Variants in CFAP221 observed in about 807,000 individuals in gnomAD.
CFAP221 encodes the protein cilia and flagella associated protein 221, also known as cilia- and flagella-associated protein 221.
A neutral mutation model predicts 113.1 loss-of-function variants in CFAP221; 97 were observed. The ratio of observed to expected loss-of-function variants is 0.86; its 90% confidence interval spans 0.73 to 1.02. CFAP221 has a LOEUF of 1.02. Among genes scored for constraint, CFAP221 ranks in the 50% least tolerant of loss-of-function variants. The pLI is 0.00. For missense variants in CFAP221, 1,025 were observed against 1,013.4 expected (o/e 1.01, Z -0.16); for synonymous variants, 331 against 354.4 (o/e 0.93, Z 0.74).
chr2:119,600,515 GAC>G (rs1390874750), intron 7 of CFAP221, among the ~76,000 whole-genome samples: 1 of 152,090 alleles, frequency 6.6e-6, no homozygotes, highest in Non-Finnish European at 1.5e-5. Flanking sequence ...TTGTAGAAGT[GAC>G]ACAATCAAAT....
In CFAP221 at chr2:119,590,574, T is replaced by C. The variant is rs193137752; in HGVS notation, c.631+3352T>C. On this transcript the variant is annotated intron_variant, in intron 7 of 23. Transcript: ENST00000413369. The stretch of plus-strand genomic sequence containing the variant: ...CCATCTCAGCTGGGCTCAGCCATAC[T>C]CTTGGCCATACCTGCCACTGTGCTG... 1.5e-4 allele frequency among the ~76,000 whole-genome samples: 23 copies of C among 152,348 alleles called. No individual in the cohort carries two copies. The East Asian group carries it at 4.4e-3, about 29-fold the overall frequency.
chr2:119,588,264 G>A (rs1017200865), intron 7 of CFAP221, among the ~76,000 whole-genome samples: 1 of 152,174 alleles, frequency 6.6e-6, no homozygotes, highest in African/African-American at 2.4e-5. Flanking sequence ...CATGATGGGA[G>A]CCGTTTTAGA....
chr2:119,572,657 A>G (rs1682150709), intron 6 of CFAP221: 1 of 678,004 alleles, frequency 1.5e-6, no homozygotes, highest in African/African-American at 1.8e-5. Context: ...GACTTTAACC[A>G]ATTGGTTAGC....
At chr2:119,586,626 A>G (rs925023449) in intron 6 of CFAP221, 10 of 152,604 alleles carry the variant, frequency 6.6e-5, no homozygotes, top group African/African-American at 2.2e-4. Context: ...TGTCCCGTCC[A>G]GGCTCTGTGA....
At chr2:119,560,686 G>A (rs1681183117) in intron 5 of CFAP221, among the ~76,000 whole-genome samples, 1 of 152,144 alleles carries the variant, frequency 6.6e-6, no homozygotes, top group Non-Finnish European at 1.5e-5. Context: ...AAACAGAAGA[G>A]TATACATTAG....
intron 19 of CFAP221, 62 bp from the exon 20 acceptor site, chr2:119,638,197 G>T: frequency 6.4e-7 from 1 of 1,559,852 alleles, no homozygotes. Flanking sequence ...GCTGATGCCT[G>T]TCCTATGCCT....
chr2:119,620,385 C>T (rs1248042226), intron 14 of CFAP221, among the ~76,000 whole-genome samples: 2 of 152,166 alleles, frequency 1.3e-5, no homozygotes, highest in Admixed American at 6.5e-5. Context: ...AGACCAACAG[C>T]GGACCTCTCT....
chr2:119,552,180 C>A (rs1298303747), intron 3 of CFAP221, among the ~76,000 whole-genome samples: 1 of 55,880 alleles, frequency 1.8e-5, no homozygotes, highest in African/African-American at 6.7e-5. Context: ...TTTTTTTTTG[C>A]TTAGTATAAT....
chr2:119,605,441 A>T, intron 11 of CFAP221, 152 bp downstream of exon 11: 1 of 661,688 alleles, frequency 1.5e-6, no homozygotes, highest in South Asian at 1.9e-5. Context: ...TTCAGTAGGA[A>T]GTTTCTATTA....
chr2:119,593,635 C>T (rs945241686), intron 7 of CFAP221, among the ~76,000 whole-genome samples: 8 of 152,096 alleles, frequency 5.3e-5, no homozygotes, highest in Admixed American at 2.0e-4. Flanking sequence ...GTCAGGAGAT[C>T]GAGACCATCC....
intron 23 of CFAP221, 81 bp downstream of exon 23, chr2:119,652,150 G>T (rs949212257): frequency 9.2e-6 from 10 of 1,092,222 alleles, no homozygotes; most frequent in Non-Finnish European, 1.2e-5. Context: ...GTGTCATGTT[G>T]TCTGAGTCTA....
intron 6 of CFAP221, among the ~76,000 whole-genome samples, chr2:119,565,918 T>C (rs1458643743): frequency 6.6e-6 from 1 of 152,230 alleles, no homozygotes; most frequent in Non-Finnish European, 1.5e-5. Flanking sequence ...GGGTGGGCTG[T>C]TTATTCAGTA....
At chr2:119,623,554 C>T (rs1463299297) in intron 14 of CFAP221, among the ~76,000 whole-genome samples, 2 of 152,192 alleles carry the variant, frequency 1.3e-5, no homozygotes, top group Admixed American at 6.5e-5. Flanking sequence ...GAGCCAGTAT[C>T]GCCAAGACAA....
chr2:119,587,353 G>A (rs1246664517), intron 7 of CFAP221, 131 bp downstream of exon 7: 1 of 507,924 alleles, frequency 2.0e-6, no homozygotes, highest in East Asian at 3.3e-5. Context: ...GGACACGTCA[G>A]AATAACGACA....
chr2:119,656,798 T>C, downstream of CFAP221: 1 of 189,714 alleles, frequency 5.3e-6, no homozygotes, highest in South Asian at 1.1e-4. Flanking sequence ...AGACTGGTTT[T>C]GGGGAGGGGA....
chr2:119,638,102 C>T, intron 19 of CFAP221, 157 bp from the exon 20 acceptor site: 5 of 609,140 alleles, frequency 8.2e-6, no homozygotes, highest in Admixed American at 3.1e-5. Flanking sequence ...CTTGAAGACA[C>T]CTCTGCTCTC....
At chr2:119,608,420 G>T in intron 11 of CFAP221, 82 bp from the exon 12 acceptor site, 3 of 1,084,972 alleles carry the variant, frequency 2.8e-6, no homozygotes, top group South Asian at 3.3e-5. Flanking sequence ...TTCAGTTTTG[G>T]AATATAGTGA....
At position 119,630,604 on chromosome 2, in the gene CFAP221, C is replaced by T. The variant is rs1247725040; in HGVS notation, c.1766C>T (p.Pro589Leu). 2 of 1,613,528 alleles carry T rather than the reference C, an allele frequency of 1.2e-6. No homozygotes were observed. Among genetic ancestry groups the T allele is most frequent in the Non-Finnish European group, 1.7e-6 (2 of 1,179,544 alleles). The change falls in exon 18 of 24, where the codon CCA (proline) becomes CTA (leucine). Residue 589 changes from proline (P) to leucine (L), a missense_variant. Pro to Leu is a moderately conservative substitution (Grantham distance 98). Coordinates refer to ENST00000413369, the MANE Select transcript of CFAP221 (RefSeq NM_001271049.2). ...CTGTACAAAATTAAGAGATATCAGC[C>T]ATTCTCTGTCCACAAGTCTTCAACA... ...PQLYKIKRYQ[P>L]FSVHKSSTSY... is the part of the protein sequence containing the mutation.
intron 2 of CFAP221, 70 bp from the exon 3 acceptor site, chr2:119,549,015 A>G (rs1680240291): frequency 3.7e-6 from 4 of 1,070,460 alleles, no homozygotes; most frequent in East Asian, 2.8e-5. Context: ...AGCTATGTTA[A>G]TAAGGATCAA....
Sources: gnomAD v4.1 joint callset for allele counts (sites outside exome capture counted in the v4.1 genomes callset) on GRCh38, gnomAD v4.1.1 for gene constraint, MANE v1.5 for transcripts, NCBI Gene and HGNC (gene_info 2026-07-23, HGNC 2026-07-21) for gene names.